The following ASIC1 variants were observed in gnomAD, a reference collection of about 807,000 sequenced individuals.
ASIC1 encodes acid-sensing ion channel 1.
A neutral mutation model predicts 63.4 loss-of-function variants in ASIC1; 21 were observed. The ratio of observed to expected loss-of-function variants is 0.33; its 90% CI spans 0.23 to 0.48. The LOEUF (loss-of-function observed/expected upper bound fraction) is 0.48. Ranked by LOEUF, ASIC1 falls within the 20% of genes least tolerant of loss-of-function variation. ASIC1 has a pLI of 0.99. For missense variants in ASIC1, 478 were observed against 695.5 expected (o/e 0.69, Z 3.52); for synonymous variants, 258 against 278.2 (o/e 0.93, Z 0.72).
chr12:50,080,498 G>A lies in ASIC1; in HGVS notation c.1206G>A (p.Gly402=), dbSNP rs1201469889. 1.2e-6 allele frequency: 2 copies of A among 1,614,020 alleles called. No individual in the cohort carries two copies. The highest frequency in any genetic ancestry group is 2.2e-5 in the East Asian group (1 of 44,886). ...GTCTCCTCCCCCAATCCCTGTGCAG[G>A]GAGAACATCCTGGTGCTGGACATTT... ...KKFNKSEQYI[G]ENILVLDIFF... Residue 402 remains glycine, a splice_region_variant and synonymous_variant, in exon 9 of 12, where the codon GGG becomes GGA. Transcript: ENST00000447966.
rs1169085875 is a variant in ASIC1 at position 50,082,314 on chromosome 12, C to T, written c.*665C>T. 6 of 152,764 alleles carry T rather than the reference C, an allele frequency of 3.9e-5. No individual in the cohort carries two copies. The highest frequency in any genetic ancestry group is 1.5e-5 in the Non-Finnish European group (1 of 68,188). The allele number at this position is 152,764 out of a possible 1,614,324, so 9.5% of individuals were successfully genotyped here. A position where few individuals can be genotyped will look rare whatever the true frequency, so the allele number is the denominator to read the frequency against. On this transcript the variant is annotated 3_prime_UTR_variant, in exon 12 of 12. Coordinates refer to ENST00000447966, the MANE Select transcript of ASIC1 (RefSeq NM_001095.4). ...CTGATACCTATAAGTTCACCCCCACCCCACAGCTGCTGGAGAGAAATCCCA... is the reference window on the plus strand; with the variant it reads ...CTGATACCTATAAGTTCACCCCCACTCCACAGCTGCTGGAGAGAAATCCCA...
At chr12:50,064,249 G>A (rs757921096) in intron 3 of ASIC1, among the ~76,000 whole-genome samples, 5 of 152,092 alleles carry the variant, frequency 3.3e-5, no homozygotes, top group Non-Finnish European at 5.9e-5. Flanking sequence ...CTCTCTCCTA[G>A]GAAGTGCCTA....
Position 50,081,252 on chromosome 12 carries a change from C to A in ASIC1, c.1378-8C>A. The A allele has an allele frequency of 6.2e-7, 1 of 1,605,888 alleles. No homozygotes were observed. The highest frequency in any genetic ancestry group is 8.5e-7 in the Non-Finnish European group (1 of 1,176,348). ...CCAGCCCGCCCACCTGCCCCGTCCC[C>A]GTCCTAGGTCATTAAGCACAAGCTG... On this transcript the variant is annotated splice_region_variant and splice_polypyrimidine_tract_variant and intron_variant, in intron 10 of 11. Coordinates refer to ENST00000447966, the MANE Select transcript of ASIC1 (RefSeq NM_001095.4).
chr12:50,077,070 G>C, intron 3 of ASIC1, 143 bp from the exon 4 acceptor site: 1 of 1,324,124 alleles, frequency 7.6e-7, no homozygotes, highest in Non-Finnish European at 1.1e-6. Flanking sequence ...GGTGGGAGAG[G>C]GGAGCAAATG....
chr12:50,063,502 G>A (rs977111213), intron 3 of ASIC1, among the ~76,000 whole-genome samples: 1 of 152,160 alleles, frequency 6.6e-6, no homozygotes, highest in South Asian at 2.1e-4. Context: ...ATGCTGGGGT[G>A]GACATGTGGT....
rs767028324 is a variant in ASIC1, at chr12:50,077,272, G to A, written c.618G>A (p.Arg206=). 2 of 1,614,014 alleles carry A rather than the reference G, an allele frequency of 1.2e-6. No individual in the cohort carries two copies. The highest frequency in any genetic ancestry group is 1.3e-5 in the African/African-American group (1 of 74,932). ...ACTCGGGCCGAGATGGGCGGCCGCG[G>A]CTGAAGACCATGAAGGGTGGGACGG... ...TFNSGRDGRP[R]LKTMKGGTGN... Residue 206 remains arginine, a synonymous_variant, in exon 4 of 12, where the codon CGG becomes CGA. Transcript: ENST00000447966.
intron 4 of ASIC1, 130 bp from the exon 5 acceptor site, chr12:50,077,870 C>T: frequency 7.2e-7 from 1 of 1,383,926 alleles, no homozygotes; most frequent in African/African-American, 1.4e-5. Context: ...GGCTAGGACC[C>T]TATAGACTTC....
chr12:50,058,114 C>G (rs1950463610), intron 1 of ASIC1, among the ~76,000 whole-genome samples, 198 bp downstream of exon 1: 1 of 152,010 alleles, frequency 6.6e-6, no homozygotes, highest in Non-Finnish European at 1.5e-5. Context: ...AGCTCGCTGT[C>G]ATAGGGAACC....
At chr12:50,062,510 G>C (rs1259936174) in intron 3 of ASIC1, among the ~76,000 whole-genome samples, 1 of 152,228 alleles carries the variant, frequency 6.6e-6, no homozygotes, top group Admixed American at 6.5e-5. Flanking sequence ...GGCTTTGCTT[G>C]CTCTTTCAGT....
intron 3 of ASIC1, among the ~76,000 whole-genome samples, chr12:50,076,408 A>C (rs1950655118): frequency 6.6e-6 from 1 of 151,946 alleles, no homozygotes; most frequent in Non-Finnish European, 1.5e-5. Context: ...CGGAAGTTGC[A>C]GTGAGCTGAG....
intron 3 of ASIC1, among the ~76,000 whole-genome samples, chr12:50,063,654 AGCCTCCCCT>A (rs1950520700): frequency 1.3e-5 from 2 of 152,050 alleles, no homozygotes; most frequent in Admixed American, 1.3e-4. Context: ...TGAGCACAGA[AGCCTCCCCT>A]GCAATCCACT....
At chr12:50,058,424 A>G (rs1224773669) in intron 1 of ASIC1, among the ~76,000 whole-genome samples, 1 of 152,152 alleles carries the variant, frequency 6.6e-6, no homozygotes, top group African/African-American at 2.4e-5. Flanking sequence ...GTGACCCCAC[A>G]TCTGGAGGGA....
intron 10 of ASIC1, 28 bp from the exon 11 acceptor site, chr12:50,081,232 C>G: frequency 6.2e-7 from 1 of 1,604,646 alleles, no homozygotes; most frequent in Non-Finnish European, 8.5e-7. Flanking sequence ...GGGGTCCAGC[C>G]CGCCCACCTG....
chr12:50,080,628 G>A, intron 9 of ASIC1, 39 bp downstream of exon 9: 1 of 1,614,150 alleles, frequency 6.2e-7, no homozygotes, highest in Non-Finnish European at 8.5e-7. Context: ...CTCATGCCAT[G>A]GGCATGGCGT....
In ASIC1 at chr12:50,077,269, G is replaced by A. The variant is rs200239890; in HGVS notation, c.615G>A (p.Pro205=). The A allele has an allele frequency of 1.2e-5, 19 of 1,614,088 alleles. No homozygotes were observed. The highest frequency in any genetic ancestry group is 3.3e-5 in the Admixed American group (2 of 60,014). ...TCAACTCGGGCCGAGATGGGCGGCCGCGGCTGAAGACCATGAAGGGTGGGA... is the reference window on the plus strand; with the variant it reads ...TCAACTCGGGCCGAGATGGGCGGCCACGGCTGAAGACCATGAAGGGTGGGA... ...YTFNSGRDGR[P]RLKTMKGGTG... The change falls in exon 4 of 12, where the codon CCG becomes CCA. Residue 205 remains proline, a synonymous_variant. Coordinates refer to ENST00000447966, the MANE Select transcript of ASIC1 (RefSeq NM_001095.4).
intron 1 of ASIC1, among the ~76,000 whole-genome samples, chr12:50,058,507 G>C (rs1179805141): frequency 6.6e-6 from 1 of 152,144 alleles, no homozygotes; most frequent in Non-Finnish European, 1.5e-5. Flanking sequence ...GGGTCTCCCC[G>C]GGCCTGGGAA....
At chr12:50,075,655 G>A (rs1034178729) in intron 3 of ASIC1, among the ~76,000 whole-genome samples, 2 of 152,244 alleles carry the variant, frequency 1.3e-5, no homozygotes, top group East Asian at 3.9e-4. Context: ...AAGGGGGAAG[G>A]GGGCAAAGAC....
chr12:50,068,212 T>C (rs920533056), intron 3 of ASIC1, among the ~76,000 whole-genome samples: 3 of 152,218 alleles, frequency 2.0e-5, no homozygotes, highest in Non-Finnish European at 4.4e-5. Context: ...TTAGTTCTTT[T>C]TTGATGCTGT....
chr12:50,067,574 A>G (rs747822725), intron 3 of ASIC1, among the ~76,000 whole-genome samples: 1 of 151,796 alleles, frequency 6.6e-6, no homozygotes, highest in Non-Finnish European at 1.5e-5. Flanking sequence ...ATGCGCGGCT[A>G]TTTTTTTGTT....
Sources: gnomAD v4.1 joint callset for allele counts (sites outside exome capture counted in the v4.1 genomes callset) on GRCh38, gnomAD v4.1.1 for gene constraint, MANE v1.5 for transcripts, NCBI Gene and HGNC (gene_info 2026-07-23, HGNC 2026-07-21) for gene names.